The following CLSTN2 variants were observed in gnomAD, a reference collection of about 807,000 sequenced individuals.
CLSTN2 encodes calsyntenin 2.
In CLSTN2, 48 loss-of-function variants were observed where a neutral mutation model predicts 101.2. The observed-to-expected ratio is 0.47, with a 90% confidence interval of 0.38 to 0.60. The LOEUF (loss-of-function observed/expected upper bound fraction) is 0.60, where lower values mean the gene tolerates loss of function less well. Among genes scored for constraint, CLSTN2 ranks in the 20% least tolerant of loss-of-function variants. The probability of loss-of-function intolerance (pLI) is 0.00; values close to 1 mark genes in which losing one functional copy is unlikely to be tolerated. For synonymous variants in CLSTN2, 481 were observed against 463.6 expected, an observed-to-expected ratio of 1.04 and a Z score of -0.48; for missense variants, 1,160 against 1,238.2, an observed-to-expected ratio of 0.94 and a Z score of 0.95.
intron 1 of CLSTN2, among the ~76,000 whole-genome samples, chr3:140,032,674 G>A (rs2107760510): frequency 6.6e-6 from 1 of 152,314 alleles, no homozygotes; most frequent in East Asian, 1.9e-4. Context: ...AGCTGGTACA[G>A]GGTTGCAGAG....
chr3:140,409,344 G>A (rs1333531184), intron 4 of CLSTN2, among the ~76,000 whole-genome samples: 1 of 152,192 alleles, frequency 6.6e-6, no homozygotes, highest in African/African-American at 2.4e-5. Context: ...TATACCTACA[G>A]TCCTGTCAGA....
intron 5 of CLSTN2, among the ~76,000 whole-genome samples, chr3:140,445,595 G>A (rs529205011): frequency 6.6e-6 from 1 of 152,314 alleles, no homozygotes; most frequent in East Asian, 1.9e-4. Flanking sequence ...GGTTTGGGGA[G>A]AGAGGAGAGA....
chr3:140,526,208 T>G (rs1935134164), intron 8 of CLSTN2, among the ~76,000 whole-genome samples: 1 of 151,804 alleles, frequency 6.6e-6, no homozygotes, highest in African/African-American at 2.4e-5. Flanking sequence ...CTCCTGAAAC[T>G]GATAAAGTTT....
intron 1 of CLSTN2, among the ~76,000 whole-genome samples, chr3:140,080,123 C>A (rs555479040): frequency 6.6e-6 from 1 of 152,178 alleles, no homozygotes; most frequent in Non-Finnish European, 1.5e-5. Context: ...ACCCCAGTCT[C>A]GTGGTCTTTC....
intron 2 of CLSTN2, among the ~76,000 whole-genome samples, chr3:140,330,514 T>C (rs1454797294): frequency 2.0e-5 from 3 of 152,320 alleles, no homozygotes; most frequent in African/African-American, 7.2e-5. Flanking sequence ...ACTAGCCCAT[T>C]TCTGCACCTT....
At chr3:140,301,547 A>G (rs984354115) in intron 2 of CLSTN2, among the ~76,000 whole-genome samples, 2 of 152,220 alleles carry the variant, frequency 1.3e-5, no homozygotes, top group Non-Finnish European at 2.9e-5. Flanking sequence ...GTTCATCGAT[A>G]AGCAAAAACA....
At chr3:140,149,510 C>T (rs2009830177) in intron 1 of CLSTN2, among the ~76,000 whole-genome samples, 2 of 151,984 alleles carry the variant, frequency 1.3e-5, no homozygotes, top group African/African-American at 4.8e-5. Flanking sequence ...GGCTGGAGTG[C>T]AGTGGCACGA....
At chr3:140,031,612 C>T (rs1333911447) in intron 1 of CLSTN2, among the ~76,000 whole-genome samples, 1 of 152,190 alleles carries the variant, frequency 6.6e-6, no homozygotes, top group African/African-American at 2.4e-5. Context: ...CTCCTTTCAA[C>T]TGTATTGGTT....
intron 8 of CLSTN2, among the ~76,000 whole-genome samples, chr3:140,511,948 A>C (rs1418417645): frequency 6.6e-6 from 1 of 151,510 alleles, no homozygotes; most frequent in Non-Finnish European, 1.5e-5. Flanking sequence ...TCTTTTGTGA[A>C]GTGTCTGTTC....
At chr3:140,304,771 G>A (rs112150107) in intron 2 of CLSTN2, among the ~76,000 whole-genome samples, 12 of 152,296 alleles carry the variant, frequency 7.9e-5, no homozygotes, top group African/African-American at 2.4e-4. Context: ...GTAGTGGAAA[G>A]CAAGCTGGCT....
rs115986943 is a variant in CLSTN2, at chr3:139,967,170, C to T, written c.109+31687C>T. Among the ~76,000 whole-genome samples, 345 of 152,196 alleles carry T rather than the reference C, an allele frequency of 2.3e-3. 1 individual carries two copies. The highest frequency in any genetic ancestry group is 8.1e-3 in the African/African-American group (336 of 41,522). On this transcript the variant is annotated intron_variant, in intron 1 of 16. Coordinates refer to ENST00000458420, the MANE Select transcript of CLSTN2 (RefSeq NM_022131.3). ...CAGAAGTCATGGACTGACTTGGAAG[C>T]TGAAGGGATGATGGATAAATGGGAT...
chr3:140,496,707 T>G (rs1179373531), intron 8 of CLSTN2, among the ~76,000 whole-genome samples: 1 of 152,150 alleles, frequency 6.6e-6, no homozygotes, highest in Non-Finnish European at 1.5e-5. Flanking sequence ...GCAGGGTGGG[T>G]ACTGACCTGT....
chr3:140,261,701 C>T (rs114274883), intron 2 of CLSTN2, among the ~76,000 whole-genome samples: 36 of 151,700 alleles, frequency 2.4e-4, no homozygotes, highest in East Asian at 3.9e-4. Context: ...ACATATTGTA[C>T]GTGTGTGTGT....
chr3:140,202,921 C>T (rs118032310), intron 2 of CLSTN2, among the ~76,000 whole-genome samples: 12 of 152,150 alleles, frequency 7.9e-5, no homozygotes, highest in South Asian at 2.1e-4. Context: ...GAGTTCTGGA[C>T]GGTGCAATGT....
intron 1 of CLSTN2, among the ~76,000 whole-genome samples, chr3:139,996,516 A>T (rs1307942530): frequency 6.6e-6 from 1 of 152,164 alleles, no homozygotes; most frequent in Admixed American, 6.5e-5. Flanking sequence ...CCTCCCAAGT[A>T]GCCGGGACTA....
At chr3:139,939,108 G>A (rs927921841) in intron 1 of CLSTN2, among the ~76,000 whole-genome samples, 1 of 152,158 alleles carries the variant, frequency 6.6e-6, no homozygotes, top group African/African-American at 2.4e-5. Context: ...CAAAGGAGAT[G>A]GGAGTGCAGA....
At chr3:140,073,870 TG>T (rs1553795963) in intron 1 of CLSTN2, among the ~76,000 whole-genome samples, 3 of 152,232 alleles carry the variant, frequency 2.0e-5, no homozygotes, top group Non-Finnish European at 4.4e-5. Flanking sequence ...TTTCCATTTC[TG>T]TGATTTACAG....
chr3:140,025,638 G>C (rs1455024079), intron 1 of CLSTN2, among the ~76,000 whole-genome samples: 1 of 152,108 alleles, frequency 6.6e-6, no homozygotes, highest in Admixed American at 6.5e-5. Flanking sequence ...AGGAAGAAGA[G>C]GAGAGAGAGA....
chr3:140,413,195 A>G (rs184144939), intron 4 of CLSTN2, among the ~76,000 whole-genome samples: 1 of 152,286 alleles, frequency 6.6e-6, no homozygotes, highest in African/African-American at 2.4e-5. Context: ...GAAATCAGAA[A>G]TGAAAGAGAA....
Sources: gnomAD v4.1 joint callset for allele counts (sites outside exome capture counted in the v4.1 genomes callset) on GRCh38, gnomAD v4.1.1 for gene constraint, MANE v1.5 for transcripts, NCBI Gene and HGNC (gene_info 2026-07-23, HGNC 2026-07-21) for gene names.